IL13RA1: variants seen among roughly 807,000 people sequenced by gnomAD.
The protein encoded by IL13RA1 is interleukin 13 receptor subunit alpha 1, also known as interleukin-13 receptor subunit alpha-1.
A neutral mutation model predicts 33.8 loss-of-function variants in IL13RA1; 14 were observed. The observed-to-expected ratio is 0.41, with a 90% confidence interval of 0.27 to 0.65. IL13RA1 has a LOEUF of 0.65. IL13RA1 is among the 30% of genes least tolerant of loss of function. IL13RA1 has a pLI of 0.28. For synonymous variants in IL13RA1, 116 were observed against 115.7 expected (o/e 1.00, Z -0.02); for missense variants, 313 against 327.0 (o/e 0.96, Z 0.33).
At position 118,781,645 on chromosome X, in the gene IL13RA1, C is replaced by A. The variant is rs763638726; in HGVS notation, c.1191+5134C>A. Among the ~76,000 whole-genome samples, 3 of 112,970 alleles carry A rather than the reference C, an allele frequency of 2.7e-5. 1 individual carries two copies. The highest frequency in any genetic ancestry group is 5.6e-5 in the Non-Finnish European group (3 of 53,360). On this transcript the variant is annotated intron_variant, in intron 10 of 10. Transcript: ENST00000371666. Reference sequence around the variant, plus strand: ...GGGATTACAGGCGTGAGCCACCACGCCCAGCCTCAATATTTATCTTTAAAA... The same window carrying A: ...GGGATTACAGGCGTGAGCCACCACGACCAGCCTCAATATTTATCTTTAAAA...
chrX:118,776,470 A>AT lies in IL13RA1; in HGVS notation c.1155dup (p.Lys386Ter). Reference sequence around the variant, plus strand: ...CCCTCCAATTCCTGATCCTGGCAAGATTTTTAAAGAAATGTTTGGAGACCA... The same window carrying AT: ...CCCTCCAATTCCTGATCCTGGCAAGATTTTTTAAAGAAATGTTTGGAGACCA... On this transcript the variant is annotated frameshift_variant, in exon 10 of 11. Transcript: ENST00000371666. LOFTEE classifies it high-confidence loss of function. 1.0e-6 allele frequency: 1 copy of AT among 959,596 alleles called. No homozygotes were observed. Among genetic ancestry groups the AT allele is most frequent in the Non-Finnish European group, 1.5e-6 (1 of 680,073 alleles). The allele number at this position is 959,596 out of a possible 1,213,427, so 79.1% of individuals were successfully genotyped here. A position where few individuals can be genotyped will look rare whatever the true frequency, so the allele number is the denominator to read the frequency against.
chrX:118,799,194 G>A (rs1038830178), downstream of IL13RA1, among the ~76,000 whole-genome samples: 4 of 113,371 alleles, frequency 3.5e-5, no homozygotes, highest in Admixed American at 2.8e-4. Flanking sequence ...GCCTTCCCGC[G>A]GGGCAGGGCT....
chrX:118,803,153 C>T, the IL13RA1 span, among the ~76,000 whole-genome samples: 4 of 111,972 alleles, frequency 3.6e-5, no homozygotes, highest in Admixed American at 1.9e-4. Context: ...GCTAATGTAG[C>T]CAAGGAGGGC....
At chrX:118,776,785 G>A (rs1211890528) in intron 10 of IL13RA1, among the ~76,000 whole-genome samples, 3 of 106,712 alleles carry the variant, frequency 2.8e-5, no homozygotes, top group Admixed American at 2.0e-4. Flanking sequence ...ATTTTTTTGC[G>A]AGATCTCATT....
At chrX:118,738,159 G>T (rs1407335148) in intron 1 of IL13RA1, 1 of 112,234 alleles carries the variant, frequency 8.9e-6, no homozygotes, top group Admixed American at 9.5e-5. Context: ...GCTGTGGGCT[G>T]CTCCTTCCCA....
chrX:118,785,508 TA>T (rs1376018795), intron 10 of IL13RA1, among the ~76,000 whole-genome samples: 1 of 112,237 alleles, frequency 8.9e-6, no homozygotes, highest in African/African-American at 3.2e-5. Context: ...ATGTTGTGTT[TA>T]TTTGCCCTGT....
chrX:118,749,861 G>A (rs2017451444), intron 4 of IL13RA1, 83 bp downstream of exon 4: 1 of 634,512 alleles, frequency 1.6e-6, no homozygotes, highest in Non-Finnish European at 2.4e-6. Context: ...AAAAAAAAAA[G>A]AACTGTTTAA....
chrX:118,748,153 A>T (rs952463501), intron 3 of IL13RA1, among the ~76,000 whole-genome samples: 16 of 101,557 alleles, frequency 1.6e-4, no homozygotes, highest in Admixed American at 1.1e-3. Flanking sequence ...ATATAATATT[A>T]TGTTGTCCCT....
chrX:118,790,696 T>TATAATTTGTTTAGA (rs1400352543), intron 10 of IL13RA1, among the ~76,000 whole-genome samples: 5 of 111,948 alleles, frequency 4.5e-5, no homozygotes, highest in Non-Finnish European at 7.5e-5. Context: ...GTCAGGGTTA[T>TATAATTTGTTTAGA]ATAATTTGTT....
the IL13RA1 span, among the ~76,000 whole-genome samples, chrX:118,804,146 G>A: frequency 2.8e-5 from 3 of 108,097 alleles, no homozygotes; most frequent in South Asian, 4.1e-4. Flanking sequence ...TAGTAGAGAC[G>A]GGGTTTCACC....
At chrX:118,739,129 G>A (rs928541155) in intron 1 of IL13RA1, among the ~76,000 whole-genome samples, 4 of 112,005 alleles carry the variant, frequency 3.6e-5, no homozygotes, top group Non-Finnish European at 5.6e-5. Flanking sequence ...GCTTTCCACG[G>A]TGGTGGAACC....
At position 118,792,011 on chromosome X, in the gene IL13RA1, A is replaced by C; in HGVS notation, c.*157A>C. The C allele has an allele frequency of 3.1e-6, 1 of 327,187 alleles. No individual in the cohort carries two copies. 27.0% of individuals were successfully genotyped at this position (327,187 alleles called of 1,213,427 possible). ...CACAGGTCTTTATGTTGAGTCGCGC[A>C]CCGAAAAACTAAAAATAATGGGCGC... On this transcript the variant is annotated 3_prime_UTR_variant, in exon 11 of 11. Transcript: ENST00000371666.
intron 6 of IL13RA1, among the ~76,000 whole-genome samples, chrX:118,766,214 TTC>T (rs2017646982): frequency 8.9e-6 from 1 of 112,283 alleles, no homozygotes; most frequent in African/African-American, 3.2e-5. Flanking sequence ...CATTAAGATA[TTC>T]TCTGTTTTTA....
intron 1 of IL13RA1, among the ~76,000 whole-genome samples, 178 bp from the exon 2 acceptor site, chrX:118,740,839 T>G (rs2017335401): frequency 8.9e-6 from 1 of 112,160 alleles, no homozygotes. Flanking sequence ...TCCAAGATTG[T>G]TGTGAGGATT....
chrX:118,751,900 CAAA>C (rs34902050), intron 4 of IL13RA1, among the ~76,000 whole-genome samples: 6 of 49,011 alleles, frequency 1.2e-4, no homozygotes, highest in African/African-American at 1.3e-4. Context: ...GAATAGAATG[CAAA>C]AAAAAAAAAA....
At chrX:118,749,451 A>T (rs779647751) in intron 3 of IL13RA1, among the ~76,000 whole-genome samples, 12 of 111,874 alleles carry the variant, frequency 1.1e-4, no homozygotes, top group Middle Eastern at 9.2e-3. Flanking sequence ...TCTTTGTATC[A>T]GGAGGTAAGA....
At chrX:118,772,563 T>C (rs915329221) in intron 8 of IL13RA1, among the ~76,000 whole-genome samples, 27 of 112,192 alleles carry the variant, frequency 2.4e-4, no homozygotes, top group Non-Finnish European at 4.5e-4. Context: ...TAAAAAAACC[T>C]TTCTTTCATG....
At chrX:118,744,629 C>T (rs191489431) in intron 2 of IL13RA1, among the ~76,000 whole-genome samples, 26 of 111,591 alleles carry the variant, frequency 2.3e-4, no homozygotes, top group African/African-American at 8.1e-4. Context: ...TTTCCAACTC[C>T]TGACCTTAGG....
intron 1 of IL13RA1, chrX:118,738,149 G>C (rs1325238059): frequency 8.9e-6 from 1 of 112,290 alleles, no homozygotes; most frequent in African/African-American, 3.2e-5. Context: ...GCCTTGTCCT[G>C]CTGTGGGCTG....
Sources: allele counts gnomAD v4.1 joint callset (sites outside exome capture counted in the v4.1 genomes callset), GRCh38; gene constraint gnomAD v4.1.1; transcripts MANE v1.5; gene names NCBI Gene and HGNC (gene_info 2026-07-23, HGNC 2026-07-21).